The following SH3RF3 variants were observed in gnomAD, a reference collection of about 807,000 sequenced individuals.
SH3RF3 encodes the protein E3 ubiquitin-protein ligase SH3RF3.
SH3RF3 carries 29 observed loss-of-function variants against 66.3 expected under a neutral mutation model. That is an observed-to-expected ratio of 0.44 (90% CI 0.33 to 0.60). The LOEUF (loss-of-function observed/expected upper bound fraction) is 0.60. Ranked by LOEUF, SH3RF3 falls within the 20% of genes least tolerant of loss-of-function variation. The probability of loss-of-function intolerance (pLI) is 0.04; values close to 1 mark genes in which losing one functional copy is unlikely to be tolerated. For synonymous variants in SH3RF3, 583 were observed against 532.0 expected (o/e 1.10, Z -1.32); for missense variants, 1,194 against 1,190.9 (o/e 1.00, Z -0.04).
chr2:109,453,780 C>T (rs113222748), intron 8 of SH3RF3, among the ~76,000 whole-genome samples: 1,983 of 152,302 alleles, frequency 0.013, 53 homozygotes, highest in African/African-American at 0.046. Flanking sequence ...GGGTGATTGA[C>T]CTGCGTGTGG....
chr2:109,171,269 T>A (rs997507171), intron 1 of SH3RF3, among the ~76,000 whole-genome samples: 1 of 152,240 alleles, frequency 6.6e-6, no homozygotes, highest in African/African-American at 2.4e-5. Context: ...TTTGGTTATA[T>A]ATGTAGAGTT....
chr2:109,471,386 A>G (rs759969769), intron 8 of SH3RF3, among the ~76,000 whole-genome samples: 35 of 152,128 alleles, frequency 2.3e-4, no homozygotes, highest in Non-Finnish European at 2.8e-4. Flanking sequence ...GAGAAGAGAA[A>G]GTGAAGGGGG....
intron 3 of SH3RF3, among the ~76,000 whole-genome samples, chr2:109,398,020 C>T (rs1016880524): frequency 1.3e-5 from 2 of 152,224 alleles, no homozygotes; most frequent in South Asian, 2.1e-4. Context: ...GCTTCTGGGG[C>T]TTGACAGCCT....
At position 109,285,036 on chromosome 2, in the gene SH3RF3, C is replaced by T. The variant is rs145994892; in HGVS notation, c.574-62638C>T. Reference sequence around the variant, plus strand: ...GTTGTCTGTGCGCTGTGCCGCGGGGCCTCTGCTCCATGGCCGGCCACACAG... The same window carrying T: ...GTTGTCTGTGCGCTGTGCCGCGGGGTCTCTGCTCCATGGCCGGCCACACAG... On this transcript the variant is annotated intron_variant, in intron 1 of 9. Coordinates refer to ENST00000309415, the MANE Select transcript of SH3RF3 (RefSeq NM_001099289.3). 4.0e-3 allele frequency among the ~76,000 whole-genome samples: 614 copies of T among 152,328 alleles called. 2 individuals are homozygous for T. The highest frequency in any genetic ancestry group is 0.014 in the African/African-American group (569 of 41,578).
At chr2:109,146,896 C>G (rs1371690583) in intron 1 of SH3RF3, among the ~76,000 whole-genome samples, 5 of 102,432 alleles carry the variant, frequency 4.9e-5, no homozygotes, top group Non-Finnish European at 9.7e-5. Flanking sequence ...CCCCCCCCCC[C>G]CCCCCGCCCC....
chr2:109,487,062 G>A (rs1435092690), intron 8 of SH3RF3, among the ~76,000 whole-genome samples: 5 of 152,342 alleles, frequency 3.3e-5, no homozygotes, highest in Admixed American at 6.5e-5. Context: ...TAGGGGGAAC[G>A]TTTGCAGAAG....
intron 2 of SH3RF3, among the ~76,000 whole-genome samples, chr2:109,350,026 G>T (rs886514591): frequency 2.6e-5 from 4 of 152,234 alleles, no homozygotes; most frequent in Admixed American, 2.0e-4. Context: ...CAGAAGACAG[G>T]CCAGAGGCTC....
intron 1 of SH3RF3, among the ~76,000 whole-genome samples, chr2:109,337,448 A>G (rs1357940494): frequency 1.3e-5 from 2 of 152,130 alleles, no homozygotes; most frequent in Admixed American, 6.5e-5. Flanking sequence ...CCCCTCGCAT[A>G]TGGCGAAATG....
chr2:109,476,080 G>T (rs1415534089), intron 8 of SH3RF3, among the ~76,000 whole-genome samples: 2 of 152,190 alleles, frequency 1.3e-5, no homozygotes, highest in Non-Finnish European at 2.9e-5. Context: ...TTAGAAACTT[G>T]TAAGAGGGCA....
At chr2:109,491,965 T>C (rs1045002397) in intron 9 of SH3RF3, among the ~76,000 whole-genome samples, 3 of 151,990 alleles carry the variant, frequency 2.0e-5, no homozygotes, top group Non-Finnish European at 4.4e-5. Flanking sequence ...AGATCAGAGG[T>C]CTAGTTTTCT....
At chr2:109,130,392 C>T (rs1365344013) in intron 1 of SH3RF3, among the ~76,000 whole-genome samples, 4 of 152,348 alleles carry the variant, frequency 2.6e-5, no homozygotes, top group Non-Finnish European at 5.9e-5. Context: ...TGTTACCCTG[C>T]CTCTTAAACT....
intron 1 of SH3RF3, among the ~76,000 whole-genome samples, chr2:109,193,441 C>A (rs1319430170): frequency 6.6e-6 from 1 of 152,196 alleles, no homozygotes; most frequent in Non-Finnish European, 1.5e-5. Flanking sequence ...CTTACTGTCA[C>A]CCCAGCTCTG....
At chr2:109,477,030 T>C (rs1477901829) in intron 8 of SH3RF3, among the ~76,000 whole-genome samples, 1 of 152,198 alleles carries the variant, frequency 6.6e-6, no homozygotes, top group African/African-American at 2.4e-5. Flanking sequence ...ATCTGTGCCT[T>C]GTGCTGACCT....
chr2:109,290,606 T>C (rs1681143331), intron 1 of SH3RF3, among the ~76,000 whole-genome samples: 1 of 152,224 alleles, frequency 6.6e-6, no homozygotes, highest in African/African-American at 2.4e-5. Context: ...AAGTCCTAAG[T>C]CTTCTTGAAG....
chr2:109,170,015 T>C (rs1282458355), intron 1 of SH3RF3, among the ~76,000 whole-genome samples: 2 of 152,222 alleles, frequency 1.3e-5, no homozygotes, highest in Non-Finnish European at 2.9e-5. Context: ...AATAGTCCTT[T>C]ATCTTCATAT....
intron 7 of SH3RF3, among the ~76,000 whole-genome samples, chr2:109,439,541 G>A (rs1214065683): frequency 6.6e-6 from 1 of 152,112 alleles, no homozygotes; most frequent in African/African-American, 2.4e-5. Flanking sequence ...TTCTCATCTC[G>A]AGCCAAAGTC....
intron 1 of SH3RF3, among the ~76,000 whole-genome samples, chr2:109,214,473 GA>G (rs5833323): frequency 0.1 from 12,970 of 130,110 alleles, 755 homozygotes; most frequent in East Asian, 0.35. Flanking sequence ...ATAGAAAAGA[GA>G]AAAAAAAAAA....
chr2:109,363,274 T>C (rs1441119208), intron 2 of SH3RF3, among the ~76,000 whole-genome samples: 1 of 152,286 alleles, frequency 6.6e-6, no homozygotes, highest in East Asian at 1.9e-4. Flanking sequence ...TCTGCAATAT[T>C]CATTTACAAT....
chr2:109,471,988 G>A (rs906493726), intron 8 of SH3RF3, among the ~76,000 whole-genome samples: 1 of 152,210 alleles, frequency 6.6e-6, no homozygotes, highest in Non-Finnish European at 1.5e-5. Flanking sequence ...CCAATTCAGG[G>A]AGAAGCAGAG....
Sources: allele counts gnomAD v4.1 joint callset (sites outside exome capture counted in the v4.1 genomes callset), GRCh38; gene constraint gnomAD v4.1.1; transcripts MANE v1.5; gene names NCBI Gene and HGNC (gene_info 2026-07-23, HGNC 2026-07-21).